The following C4orf36 variants were observed in gnomAD, a reference collection of about 807,000 sequenced individuals.
The protein encoded by C4orf36 is chromosome 4 open reading frame 36, also known as uncharacterized protein C4orf36.
A neutral mutation model predicts 12.2 loss-of-function variants in C4orf36; 11 were observed. That is an observed-to-expected ratio of 0.90 (90% CI 0.57 to 1.49). The LOEUF (loss-of-function observed/expected upper bound fraction) is 1.49, where lower values mean the gene tolerates loss of function less well. C4orf36 is among the 40% of genes most tolerant of loss of function. C4orf36 has a pLI of 0.00. For synonymous variants in C4orf36, 54 were observed against 51.3 expected, an observed-to-expected ratio of 1.05 and a Z score of -0.22; for missense variants, 137 against 133.9, an observed-to-expected ratio of 1.02 and a Z score of -0.11.
the C4orf36 span, among the ~76,000 whole-genome samples, chr4:86,918,144 T>C: frequency 1.3e-5 from 2 of 152,240 alleles, no homozygotes; most frequent in African/African-American, 4.8e-5. Context: ...ATCCCATTCA[T>C]GAGGGCTATG....
At chr4:86,923,393 T>A in the C4orf36 span, among the ~76,000 whole-genome samples, 2 of 152,144 alleles carry the variant, frequency 1.3e-5, no homozygotes, top group Non-Finnish European at 2.9e-5. Flanking sequence ...GCCCAGGTTC[T>A]GGTATTCTTT....
rs1246761354 is a variant in C4orf36, at chr4:86,876,275, G to T, written c.*171C>A. The T allele has an allele frequency of 8.3e-6, 7 of 843,526 alleles. No individual in the cohort carries two copies. Among genetic ancestry groups the T allele is most frequent in the Non-Finnish European group, 1.2e-5 (7 of 577,140 alleles). The allele number at this position is 843,526 out of a possible 1,614,324, so 52.3% of individuals were successfully genotyped here. A position where few individuals can be genotyped will look rare whatever the true frequency, so the allele number is the denominator to read the frequency against. On this transcript the variant is annotated 3_prime_UTR_variant, in exon 5 of 5. Coordinates refer to ENST00000295898, the MANE Select transcript of C4orf36 (RefSeq NM_144645.4). ...AAACTGAGTTCCACTGAAATTAAGA[G>T]ATTTTCTCGGTCTCTGGGCGGGCCG...
chr4:86,908,429 T>C, the C4orf36 span, among the ~76,000 whole-genome samples: 1 of 150,636 alleles, frequency 6.6e-6, no homozygotes, highest in East Asian at 2.0e-4. Flanking sequence ...CAAGCTACTT[T>C]CGTTTCTCTA....
chr4:86,902,854 G>A, the C4orf36 span, among the ~76,000 whole-genome samples: 2,722 of 152,170 alleles, frequency 0.018, 84 homozygotes, highest in African/African-American at 0.062. Context: ...TTTGAGCTCC[G>A]TAATCATATG....
intron 4 of C4orf36, among the ~76,000 whole-genome samples, chr4:86,886,239 T>C (rs1195339341): frequency 6.6e-6 from 1 of 152,166 alleles, no homozygotes; most frequent in African/African-American, 2.4e-5. Context: ...GGATACCCTC[T>C]TTTTCTATTG....
intron 4 of C4orf36, among the ~76,000 whole-genome samples, chr4:86,881,960 G>GC (rs909530586): frequency 2.0e-5 from 3 of 152,218 alleles, no homozygotes; most frequent in African/African-American, 7.2e-5. Context: ...TTACAGGCGT[G>GC]CGCCTCCATG....
the C4orf36 span, chr4:86,914,668 T>G: frequency 2.9e-6 from 1 of 346,318 alleles, no homozygotes; most frequent in Non-Finnish European, 5.6e-6. Context: ...CTCAAAGTGC[T>G]GGAATTATAG....
chr4:86,885,720 A>G (rs1747161956), intron 4 of C4orf36, among the ~76,000 whole-genome samples: 1 of 152,208 alleles, frequency 6.6e-6, no homozygotes, highest in Admixed American at 6.5e-5. Flanking sequence ...CCCTGGCCAG[A>G]ACTTCCAACA....
chr4:86,884,477 T>A lies in C4orf36; in HGVS notation c.*2+3281A>T, dbSNP rs910136238. 8.5e-5 allele frequency among the ~76,000 whole-genome samples: 13 copies of A among 152,056 alleles called. No individual in the cohort carries two copies. The East Asian group carries it at 2.5e-3, about 30-fold the overall frequency. ...ACAGCACCATGTTCAGCTAATTTTT[T>A]AATTTTTTGTGGAGACCGGGTCTCC... On this transcript the variant is annotated intron_variant, in intron 4 of 4. Transcript: ENST00000295898.
the C4orf36 span, chr4:86,913,644 CT>C: frequency 6.3e-7 from 1 of 1,582,818 alleles, no homozygotes; most frequent in Non-Finnish European, 8.6e-7. Flanking sequence ...GACCTGCACA[CT>C]TTTTGAGGCA....
At chr4:86,926,786 G>T in the C4orf36 span, among the ~76,000 whole-genome samples, 1 of 152,100 alleles carries the variant, frequency 6.6e-6, no homozygotes, top group Non-Finnish European at 1.5e-5. Context: ...TTATGTTATT[G>T]TTGTCACATG....
chr4:86,917,542 AAAG>A, the C4orf36 span, among the ~76,000 whole-genome samples: 26 of 133,392 alleles, frequency 1.9e-4, no homozygotes, highest in African/African-American at 6.3e-4. Context: ...AAGAGAAAGA[AAAG>A]TAAGGAAGGA....
the C4orf36 span, among the ~76,000 whole-genome samples, chr4:86,917,534 GAGAA>G: frequency 1.6e-3 from 221 of 139,656 alleles, no homozygotes; most frequent in Admixed American, 4.7e-3. Context: ...GAGAGAGAAA[GAGAA>G]AGAAAAGTAA....
chr4:86,878,557 G>A (rs1275316893), intron 4 of C4orf36, among the ~76,000 whole-genome samples: 1 of 152,178 alleles, frequency 6.6e-6, no homozygotes, highest in African/African-American at 2.4e-5. Context: ...GCATTGAAAT[G>A]GGTAGGAAAA....
At chr4:86,927,422 A>T in the C4orf36 span, among the ~76,000 whole-genome samples, 1 of 152,218 alleles carries the variant, frequency 6.6e-6, no homozygotes, top group Non-Finnish European at 1.5e-5. Flanking sequence ...ATAAGTAAAT[A>T]CGTACAAGTG....
At chr4:86,931,410 TG>T in the C4orf36 span, among the ~76,000 whole-genome samples, 1 of 152,130 alleles carries the variant, frequency 6.6e-6, no homozygotes, top group African/African-American at 2.4e-5. Flanking sequence ...TTTTTGTTTT[TG>T]TTTTTGAGGT....
At chr4:86,880,788 T>A (rs1340163756) in intron 4 of C4orf36, among the ~76,000 whole-genome samples, 1 of 152,202 alleles carries the variant, frequency 6.6e-6, no homozygotes, top group Admixed American at 6.5e-5. Flanking sequence ...ATGCCTGTAG[T>A]CCTAGCACTT....
chr4:86,900,771 C>T, the C4orf36 span, among the ~76,000 whole-genome samples: 1 of 152,258 alleles, frequency 6.6e-6, no homozygotes, highest in South Asian at 2.1e-4. Flanking sequence ...CCATAGCTAA[C>T]AGCACAGTGA....
the C4orf36 span, chr4:86,913,567 G>A: frequency 8.6e-7 from 1 of 1,156,660 alleles, no homozygotes; most frequent in Non-Finnish European, 1.3e-6. Context: ...AGCAGTCATG[G>A]CCAGCAGCCA....
Sources: allele counts gnomAD v4.1 joint callset (sites outside exome capture counted in the v4.1 genomes callset), GRCh38; gene constraint gnomAD v4.1.1; transcripts MANE v1.5; gene names NCBI Gene and HGNC (gene_info 2026-07-23, HGNC 2026-07-21).